The following TNRC18 variants were observed in gnomAD, a reference collection of about 807,000 sequenced individuals.
TNRC18 encodes the protein trinucleotide repeat-containing gene 18 protein.
Under a neutral mutation model 226.7 loss-of-function variants are expected in TNRC18, and 69 were observed. The observed-to-expected ratio is 0.30, with a 90% confidence interval of 0.25 to 0.37. The LOEUF is 0.37. Ranked by LOEUF, TNRC18 falls within the 10% of genes least tolerant of loss-of-function variation. The probability of loss-of-function intolerance (pLI) is 1.00; values close to 1 mark genes in which losing one functional copy is unlikely to be tolerated. For missense variants in TNRC18, 4,754 were observed against 4,256.6 expected, an observed-to-expected ratio of 1.12 and a Z score of -3.25; for synonymous variants, 2,449 against 1,927.6, an observed-to-expected ratio of 1.27 and a Z score of -7.09.
intron 19 of TNRC18, among the ~76,000 whole-genome samples, chr7:5,326,997 G>A (rs1427353283): frequency 2.6e-5 from 4 of 152,092 alleles, no homozygotes; most frequent in East Asian, 1.9e-4. Flanking sequence ...GGTGGCACAC[G>A]CCTGTAGTCC....
In TNRC18 at chr7:5,387,696, A is replaced by G. The variant is rs756684499; in HGVS notation, c.2128T>C (p.Ser710Pro). The stretch of plus-strand genomic sequence containing the variant: ...CCTTTGACGTTACTCAGCGACAGAG[A>G]GCGCTCCTGGTCTACCAGCCCAGGC... Reference protein sequence around the residue: ...LGPGLVDQERSLSLSNVKGHG... With the variant: ...LGPGLVDQERPLSLSNVKGHG... Residue 710 changes from serine to proline, a missense_variant, in exon 5 of 30, where the codon TCT becomes CCT. Physicochemically the swap from Ser to Pro is moderately conservative, Grantham distance 74. Coordinates refer to ENST00000430969, the MANE Select transcript of TNRC18 (RefSeq NM_001080495.3). The G allele has an allele frequency of 7.4e-5, 118 of 1,605,002 alleles. No homozygotes were observed. Among genetic ancestry groups the G allele is most frequent in the Non-Finnish European group, 9.6e-5 (113 of 1,179,844 alleles).
chr7:5,331,684 G>A (rs930624711), intron 19 of TNRC18, among the ~76,000 whole-genome samples: 7 of 152,204 alleles, frequency 4.6e-5, no homozygotes, highest in Non-Finnish European at 7.3e-5. Context: ...CACTTTGAGA[G>A]GCTGAGGCAG....
At chr7:5,376,729 C>T (rs1779001893) in intron 8 of TNRC18, 118 bp downstream of exon 8, 2 of 1,288,462 alleles carry the variant, frequency 1.6e-6, no homozygotes, top group Non-Finnish European at 2.1e-6. Context: ...CCCGGTCCGC[C>T]TCCCCAGCCC....
At chr7:5,366,367 C>A (rs888487920) in intron 11 of TNRC18, among the ~76,000 whole-genome samples, 1 of 114,978 alleles carries the variant, frequency 8.7e-6, no homozygotes, top group East Asian at 2.7e-4. Flanking sequence ...CTCACTCTGT[C>A]GCCCAGGCTG....
At chr7:5,404,310 G>T (rs894419386) in intron 2 of TNRC18, among the ~76,000 whole-genome samples, 4 of 152,110 alleles carry the variant, frequency 2.6e-5, no homozygotes, top group African/African-American at 7.2e-5. Flanking sequence ...GGCGGAGGTT[G>T]CAGTGAGCCG....
intron 3 of TNRC18, among the ~76,000 whole-genome samples, chr7:5,393,462 C>T (rs183389158): frequency 2.0e-5 from 3 of 152,294 alleles, no homozygotes; most frequent in Non-Finnish European, 1.5e-5. Context: ...ACACAGCAGC[C>T]GCAGGATTCG....
chr7:5,387,035 T>C (rs1338118978), intron 5 of TNRC18, among the ~76,000 whole-genome samples: 5 of 152,016 alleles, frequency 3.3e-5, no homozygotes, highest in African/African-American at 7.2e-5. Context: ...GATCGTGCCA[T>C]TGGACTCCAG....
intron 11 of TNRC18, among the ~76,000 whole-genome samples, chr7:5,368,057 A>AG (rs1288642542): frequency 6.6e-6 from 1 of 151,734 alleles, no homozygotes; most frequent in Admixed American, 6.6e-5. Context: ...CGGAGAAAAA[A>AG]AAAAAACAAC....
At chr7:5,308,569 G>A (rs1421313559) in intron 29 of TNRC18, among the ~76,000 whole-genome samples, 1 of 152,180 alleles carries the variant, frequency 6.6e-6, no homozygotes, top group Non-Finnish European at 1.5e-5. Context: ...GAGATCGAGA[G>A]AGACCCAGAG....
In TNRC18 at chr7:5,361,687, C is replaced by A. The variant is rs959132333; in HGVS notation, c.4568G>T (p.Arg1523Leu). ...TTTCCGCGGCCTGCCAGGGCCTCTGCGTGCCAAGCTTCTATGGGGTTCCTC... is the reference window on the plus strand; with the variant it reads ...TTTCCGCGGCCTGCCAGGGCCTCTGAGTGCCAAGCTTCTATGGGGTTCCTC... ...RREEPHRSLARRGPGRPRKRT... is the reference protein window; with the variant it reads ...RREEPHRSLALRGPGRPRKRT... The change falls in exon 14 of 30, where the codon CGC becomes CTC. Residue 1523 changes from arginine (R) to leucine (L), a missense_variant. By Grantham distance (102) the Arg-to-Leu change is moderately radical. Coordinates refer to ENST00000430969, the MANE Select transcript of TNRC18 (RefSeq NM_001080495.3). 6.4e-7 allele frequency: 1 copy of A among 1,565,988 alleles called. No individual in the cohort carries two copies. Among genetic ancestry groups the A allele is most frequent in the Non-Finnish European group, 8.6e-7 (1 of 1,156,150 alleles).
chr7:5,353,539 G>A lies in TNRC18; in HGVS notation c.5195-1445C>T, dbSNP rs570192803. Among the ~76,000 whole-genome samples, 336 of 132,416 alleles carry A rather than the reference G, an allele frequency of 2.5e-3. 3 individuals are homozygous for A. Among genetic ancestry groups the A allele is most frequent in the African/African-American group, 8.9e-3 (306 of 34,408 alleles). 86.9% of individuals were successfully genotyped at this position (132,416 alleles called of 152,430 possible). On this transcript the variant is annotated intron_variant, in intron 16 of 29. Transcript: ENST00000430969. ...CACACCACTGCACTCCAGCCTGGGCGACAGAGCAAGACATCATCTAAAGAA... is the reference window on the plus strand; with the variant it reads ...CACACCACTGCACTCCAGCCTGGGCAACAGAGCAAGACATCATCTAAAGAA...
chr7:5,360,830 T>A (rs1355818818), intron 14 of TNRC18, among the ~76,000 whole-genome samples: 7 of 152,176 alleles, frequency 4.6e-5, no homozygotes, highest in African/African-American at 1.7e-4. Context: ...TGTTTTATCC[T>A]GAGAAGAACT....
intron 18 of TNRC18, 45 bp downstream of exon 18, chr7:5,345,517 G>GGGGGGCCCCCCCCCCCCCCCC: frequency 7.9e-6 from 3 of 377,742 alleles, no homozygotes; most frequent in Non-Finnish European, 1.4e-5. Context: ...AATGGCGTCC[G>GGGGGGCCCCCCCCCCCCCCCC]CCCCTCCCAC....
rs754507459 is a variant in TNRC18, at chr7:5,312,801, G to A, written c.8090C>T (p.Ala2697Val). 6.5e-6 allele frequency: 10 copies of A among 1,534,606 alleles called. No homozygotes were observed. The highest frequency in any genetic ancestry group is 8.7e-6 in the Non-Finnish European group (10 of 1,144,934). Residue 2697 changes from alanine (A) to valine (V), a missense_variant, in exon 27 of 30, where the codon GCG becomes GTG. Transcript: ENST00000430969. This position sits in a 1 kb window ranked among gnomAD's most constrained non-coding sequence, Gnocchi z 6.3. ...CTTGGTGGCCTTGGTGGGGAGCGCC[G>A]CCTGCGCGGAAGGGCCAGCCGTGGG... ...PAPTAGPSAQ[A>V]ALPTKATKQA...
At chr7:5,373,888 G>C (rs1355031874) in intron 10 of TNRC18, among the ~76,000 whole-genome samples, 167 bp downstream of exon 10, 1 of 152,086 alleles carries the variant, frequency 6.6e-6, no homozygotes, top group African/African-American at 2.4e-5. Context: ...GGATTTGACT[G>C]TGAGCTCCTG....
At chr7:5,345,517 G>GCCCACCCCCCCCCC in intron 18 of TNRC18, 45 bp downstream of exon 18, 1 of 377,744 alleles carries the variant, frequency 2.6e-6, no homozygotes, top group South Asian at 4.4e-5. Context: ...AATGGCGTCC[G>GCCCACCCCCCCCCC]CCCCTCCCAC....
chr7:5,367,664 A>G (rs1374388455), intron 11 of TNRC18, among the ~76,000 whole-genome samples: 3 of 151,510 alleles, frequency 2.0e-5, no homozygotes, highest in African/African-American at 7.3e-5. Flanking sequence ...CTGACCTCAG[A>G]TGATCTGCCC....
chr7:5,320,758 C>T, intron 22 of TNRC18, 151 bp from the exon 23 acceptor site: 2 of 692,090 alleles, frequency 2.9e-6, no homozygotes, highest in East Asian at 2.7e-5. Flanking sequence ...AATTCTCCCC[C>T]TTTTCTGGGT....
Position 5,347,023 on chromosome 7 carries a change from C to G in TNRC18, c.5471-1213G>C, listed in dbSNP as rs562270749. ...CACTCGGGCAGTAGAAGAGCAGGCT[C>G]GAACCCAGAGCTGGCAGACTGTCTA... On this transcript the variant is annotated intron_variant, in intron 17 of 29. Coordinates refer to ENST00000430969, the MANE Select transcript of TNRC18 (RefSeq NM_001080495.3). Among the ~76,000 whole-genome samples, 26 of 151,950 alleles carry G rather than the reference C, an allele frequency of 1.7e-4. 1 individual carries two copies. The South Asian group carries it at 4.8e-3, about 28-fold the overall frequency.
Sources: allele counts gnomAD v4.1 joint callset (sites outside exome capture counted in the v4.1 genomes callset), GRCh38; gene constraint gnomAD v4.1.1; non-coding constraint Gnocchi (gnomAD v3.1); transcripts MANE v1.5; gene names NCBI Gene and HGNC (gene_info 2026-07-23, HGNC 2026-07-21).